Variants in MAGEC1 observed in about 807,000 individuals in gnomAD.
MAGEC1 encodes MAGE family member C1.
MAGEC1 carries 3 observed loss-of-function variants against 1.5 expected under a neutral mutation model. That is an observed-to-expected ratio of 1.97 (90% CI 0.90 to 5.10). MAGEC1 has a LOEUF of 5.10. Ranked by LOEUF, MAGEC1 falls within the 30% of genes most tolerant of loss-of-function variation. The pLI, the probability that MAGEC1 is intolerant of heterozygous loss-of-function variation, is 0.02. For synonymous variants in MAGEC1, 357 were observed against 310.4 expected (o/e 1.15, Z -1.58); for missense variants, 985 against 803.1 (o/e 1.23, Z -2.74).
chrX:141,908,616 G>C lies in MAGEC1; in HGVS notation c.3212G>C (p.Trp1071Ser). Residue 1071 changes from tryptophan to serine, a missense_variant, in exon 4 of 4, where the codon TGG (tryptophan) becomes TCG (serine). Trp to Ser is a radical substitution (Grantham distance 177, BLOSUM62 -3). Transcript: ENST00000285879. ...NSSPPRYEFL[W>S]GPRAHSEVIK... ...TCTCCTCCTCGTTACGAATTCCTGT[G>C]GGGTCCAAGAGCTCATTCAGAAGTC... The C allele has an allele frequency of 8.3e-7, 1 of 1,210,220 alleles. No homozygotes were observed. The highest frequency in any genetic ancestry group is 3.0e-5 in the East Asian group (1 of 33,795).
In MAGEC1 at chrX:141,908,355, C is replaced by T. The variant is rs1410181892; in HGVS notation, c.2951C>T (p.Ser984Phe). 14 of 1,211,571 alleles carry T rather than the reference C, an allele frequency of 1.2e-5. No individual in the cohort carries two copies. Among genetic ancestry groups the T allele is most frequent in the Non-Finnish European group, 1.6e-5 (14 of 895,455 alleles). Residue 984 changes from serine (S) to phenylalanine (F), a missense_variant, in exon 4 of 4, where the codon TCT (serine) becomes TTT (phenylalanine). Coordinates refer to ENST00000285879, the MANE Select transcript of MAGEC1 (RefSeq NM_005462.5). ...TTTGTAAACACATTAGACCTCACCTCTGAGGGGTGTCTGAGTGATGAGCAG... is the reference window on the plus strand; with the variant it reads ...TTTGTAAACACATTAGACCTCACCTTTGAGGGGTGTCTGAGTGATGAGCAG... ...YVFVNTLDLT[S>F]EGCLSDEQGM...
In MAGEC1 at chrX:141,905,443, T is replaced by G. The variant is rs150896199; in HGVS notation, c.39T>G (p.Ser13Arg). The change falls in exon 4 of 4, where the codon AGT becomes AGG. Residue 13 changes from serine to arginine, a missense_variant. By Grantham distance (110) the Ser-to-Arg change is moderately radical. Coordinates refer to ENST00000285879, the MANE Select transcript of MAGEC1 (RefSeq NM_005462.5). ...ATATGCCTACTGCTGGGATGCCGAG[T>G]CTTCTCCAGAGTTCCTCTGAGAGTC... is the stretch of plus-strand genomic sequence containing the variant. ...DKDMPTAGMP[S>R]LLQSSSESPQ... The G allele has an allele frequency of 2.1e-4, 252 of 1,210,422 alleles. 1 individual carries two copies. The African/African-American group carries it at 3.9e-3, about 19-fold the overall frequency.
Position 141,905,878 on chromosome X carries a change from TCCCC to T in MAGEC1, c.475_478del (p.Pro159SerfsTer8). The T allele has an allele frequency of 8.3e-7, 1 of 1,198,799 alleles. No homozygotes were observed. On this transcript the variant is annotated frameshift_variant, in exon 4 of 4. Transcript: ENST00000285879. LOFTEE classifies it low-confidence loss of function (END_TRUNC). The stretch of plus-strand genomic sequence containing the variant: ...GTACTCAAAGTCCTTTTGAGGGTTT[TCCCC>T]AGTCTGTTCTCCAGATTCCTGTGAG...
chrX:141,905,571 G>C lies in MAGEC1; in HGVS notation c.167G>C (p.Ser56Thr). 1 of 1,209,067 alleles carries C rather than the reference G, an allele frequency of 8.3e-7. No individual in the cohort carries two copies. Among genetic ancestry groups the C allele is most frequent in the Non-Finnish European group, 1.1e-6 (1 of 894,629 alleles). The stretch of plus-strand genomic sequence containing the variant: ...CTGTATCCTCTCCAGAGTCCTCAGA[G>C]TCGTTCTGAGGGGGAGGACTCCTCG... ...DTLYPLQSPQ[S>T]RSEGEDSSDP... The change falls in exon 4 of 4, where the codon AGT becomes ACT. Residue 56 changes from serine to threonine, a missense_variant. By Grantham distance (58) the Ser-to-Thr change is moderately conservative (BLOSUM62 1). Transcript: ENST00000285879.
chrX:141,908,161 T>C lies in MAGEC1; in HGVS notation c.2757T>C (p.Leu919=). ...DEKVDELARF[L]LLKYQVKQPI... ...AGGTGGACGAGTTGGCGCGGTTTCT[T>C]CTCCTCAAATATCAAGTGAAGCAGC... is the stretch of plus-strand genomic sequence containing the variant. Residue 919 remains leucine, a synonymous_variant, in exon 4 of 4, where the codon CTT becomes CTC. Coordinates refer to ENST00000285879, the MANE Select transcript of MAGEC1 (RefSeq NM_005462.5). 8.3e-7 allele frequency: 1 copy of C among 1,211,507 alleles called. No homozygotes were observed. Among genetic ancestry groups the C allele is most frequent in the Non-Finnish European group, 1.1e-6 (1 of 895,483 alleles).
Position 141,907,195 on chromosome X carries a change from GAGCC to G in MAGEC1, c.1792_1795del (p.Ser598LeufsTer31). The G allele has an allele frequency of 8.3e-7, 1 of 1,207,995 alleles. No homozygotes were observed. Among genetic ancestry groups the G allele is most frequent in the Non-Finnish European group, 1.1e-6 (1 of 894,435 alleles). On this transcript the variant is annotated frameshift_variant, in exon 4 of 4. Transcript: ENST00000285879. LOFTEE classifies it low-confidence loss of function (END_TRUNC). ...CCCTGTCTCCTCACTACTTTCCTCA[GAGCC>G]CTCCTCAGGGGGAGGACTCCATGTC...
chrX:141,908,804 G>C lies in MAGEC1; in HGVS notation c.3400G>C (p.Val1134Leu). 8.3e-7 allele frequency: 1 copy of C among 1,202,489 alleles called. No individual in the cohort carries two copies. The highest frequency in any genetic ancestry group is 1.1e-6 in the Non-Finnish European group (1 of 890,433). The stretch of plus-strand genomic sequence containing the variant: ...TGCCACAGAAAGTGCAAGCTCCAGT[G>C]TCATGTCCCCCAGCTTCTCTTCTGA... ...STATESASSS[V>L]MSPSFSSE The change falls in exon 4 of 4, where the codon GTC (valine) becomes CTC (leucine). Residue 1134 changes from valine (V) to leucine (L), a missense_variant. By Grantham distance (32) the Val-to-Leu change is conservative. Transcript: ENST00000285879.
At position 141,909,153 on chromosome X, in the gene MAGEC1, C is replaced by T. The variant is rs1927051733; in HGVS notation, c.*320C>T. On this transcript the variant is annotated 3_prime_UTR_variant, in exon 4 of 4. Transcript: ENST00000285879. ...CACACCACATTGGGAAAACCTTCTG[C>T]CTCATTTTGTGATGTGTCACAGGTT... is the stretch of plus-strand genomic sequence containing the variant. 5.7e-6 allele frequency: 1 copy of T among 176,144 alleles called. No individual in the cohort carries two copies. The highest frequency in any genetic ancestry group is 1.1e-5 in the Non-Finnish European group (1 of 94,742). 14.5% of individuals were successfully genotyped at this position (176,144 alleles called of 1,213,427 possible).
chrX:141,906,896 T>A lies in MAGEC1; in HGVS notation c.1492T>A (p.Ser498Thr). 8.3e-7 allele frequency: 1 copy of A among 1,210,921 alleles called. No individual in the cohort carries two copies. The highest frequency in any genetic ancestry group is 1.8e-5 in the South Asian group (1 of 56,900). ...CACTTTATTGAGTCTTTTCCAGAGT[T>A]CCCCTGAGTGTACTCAAAGTACTTT... The part of the protein sequence containing the change: ...SSTLLSLFQS[S>T]PECTQSTFEG... Residue 498 changes from serine (S) to threonine (T), a missense_variant, in exon 4 of 4, where the codon TCC (serine) becomes ACC (threonine). Ser to Thr is a moderately conservative substitution (Grantham distance 58). Transcript: ENST00000285879.
At position 141,908,002 on chromosome X, in the gene MAGEC1, A is replaced by G. The variant is rs1324474250; in HGVS notation, c.2598A>G (p.Pro866=). Reference sequence around the variant, plus strand: ...TCTCCTCCTCCACTTCATTGAGCCCATTCAGTGAAGAGTCCAGCAGCCCAG... The same window carrying G: ...TCTCCTCCTCCACTTCATTGAGCCCGTTCAGTGAAGAGTCCAGCAGCCCAG... ...ISFSSSTSLS[P]FSEESSSPVD... is the part of the protein sequence containing the mutation. Residue 866 remains proline, a synonymous_variant, in exon 4 of 4, where the codon CCA becomes CCG. Transcript: ENST00000285879. The G allele has an allele frequency of 8.3e-7, 1 of 1,209,979 alleles. No individual in the cohort carries two copies. The highest frequency in any genetic ancestry group is 1.1e-6 in the Non-Finnish European group (1 of 895,055).
Position 141,906,134 on chromosome X carries a change from A to G in MAGEC1, c.730A>G (p.Thr244Ala), listed in dbSNP as rs757298943. The G allele has an allele frequency of 3.9e-6, 3 of 761,877 alleles. No homozygotes were observed. Among genetic ancestry groups the G allele is most frequent in the Non-Finnish European group, 5.8e-6 (3 of 519,631 alleles). The allele number at this position is 761,877 out of a possible 1,213,427, so 62.8% of individuals were successfully genotyped here. A position where few individuals can be genotyped will look rare whatever the true frequency, so the allele number is the denominator to read the frequency against. The change falls in exon 4 of 4, where the codon ACT becomes GCT. Residue 244 changes from threonine to alanine, a missense_variant. Physicochemically the swap from Thr to Ala is moderately conservative, Grantham distance 58. Coordinates refer to ENST00000285879, the MANE Select transcript of MAGEC1 (RefSeq NM_005462.5). ...TCCTGTGAGCCCCTCCTCCTCCTCC[A>G]CTTTACTGAGTCTTTTCCAGAGTTT... ...QIPVSPSSSSTLLSLFQSFSE... is the reference protein window; with the variant it reads ...QIPVSPSSSSALLSLFQSFSE...
intron 3 of MAGEC1, 84 bp downstream of exon 3, chrX:141,905,160 C>T (rs373969388): frequency 9.8e-6 from 11 of 1,122,616 alleles, no homozygotes; most frequent in African/African-American, 3.6e-5. Flanking sequence ...CGTGTTCACA[C>T]GTTTACCTGC....
Position 141,907,529 on chromosome X carries a change from C to T in MAGEC1, c.2125C>T (p.His709Tyr), listed in dbSNP as rs56256227. Residue 709 changes from histidine (H) to tyrosine (Y), a missense_variant, in exon 4 of 4, where the codon CAT becomes TAT. By Grantham distance (83) the His-to-Tyr change is moderately conservative. Transcript: ENST00000285879. The stretch of plus-strand genomic sequence containing the variant: ...GGGAGAGGACTCCCTGTCTTCTCTC[C>T]ATTTTCCTCAGAGTCCTCCTGAGTG... ...LEGEDSLSSL[H>Y]FPQSPPEWED... 0.099 allele frequency: 118,639 copies of T among 1,198,380 alleles called. 4,117 individuals carry two copies. Among genetic ancestry groups the T allele is most frequent in the South Asian group, 0.13 (7,532 of 55,943 alleles).
chrX:141,907,547 C>CCCA lies in MAGEC1; in HGVS notation c.2144_2145insCAC (p.Pro715_Glu716insThr). On this transcript the variant is annotated inframe_insertion, in exon 4 of 4. Transcript: ENST00000285879. ...TTCTCTCCATTTTCCTCAGAGTCCTCCTGAGTGGGAGGACTCCCTCTCTCC... is the reference window on the plus strand; with the variant it reads ...TTCTCTCCATTTTCCTCAGAGTCCTCCCACTGAGTGGGAGGACTCCCTCTCTCC... The CCCA allele has an allele frequency of 8.3e-7, 1 of 1,203,178 alleles. No homozygotes were observed. Among genetic ancestry groups the CCCA allele is most frequent in the Middle Eastern group, 2.3e-4 (1 of 4,303 alleles).
intron 1 of MAGEC1, 99 bp downstream of exon 1, chrX:141,904,077 C>A (rs182610400): frequency 9.0e-5 from 10 of 111,556 alleles, no homozygotes; most frequent in Admixed American, 2.8e-4. Flanking sequence ...GTGGCGGAAA[C>A]GAAGATGGTA....
rs1926981252 is a variant in MAGEC1 at position 141,907,548 on chromosome X, C to A, written c.2144C>A (p.Pro715His). The A allele has an allele frequency of 2.5e-6, 3 of 1,203,312 alleles. No individual in the cohort carries two copies. Among genetic ancestry groups the A allele is most frequent in the East Asian group, 5.9e-5 (2 of 33,629 alleles). ...LSSLHFPQSP[P>H]EWEDSLSPLH... ...TCTCTCCATTTTCCTCAGAGTCCTC[C>A]TGAGTGGGAGGACTCCCTCTCTCCT... Residue 715 changes from proline to histidine, a missense_variant, in exon 4 of 4, where the codon CCT (proline) becomes CAT (histidine). Coordinates refer to ENST00000285879, the MANE Select transcript of MAGEC1 (RefSeq NM_005462.5).
In MAGEC1 at chrX:141,904,974, C is replaced by G. The variant is rs1361096619; in HGVS notation, c.-99C>G. 4.0e-5 allele frequency: 47 copies of G among 1,178,316 alleles called. No homozygotes were observed. In the Admixed American group the frequency reaches 1.0e-3, roughly 26 times the overall value. ...CTTTCTCGCGTCCTTCTACAGGTTC[C>G]CAGAAGACAAACCCCCTAGGAAGAC... On this transcript the variant is annotated 5_prime_UTR_variant, in exon 3 of 4. Coordinates refer to ENST00000285879, the MANE Select transcript of MAGEC1 (RefSeq NM_005462.5).
Position 141,907,268 on chromosome X carries a change from C to T in MAGEC1, c.1864C>T (p.Gln622Ter), listed in dbSNP as rs993628156. ...PQSPLQGEEF[Q>*]SSLQSPVSIC... ...GAGTCCTCTTCAGGGGGAGGAATTC[C>T]AGTCTTCTCTCCAGAGCCCTGTGAG... The change falls in exon 4 of 4, where the codon CAG (glutamine) becomes TAG (stop). Residue 622 changes from glutamine (Q) to a stop codon, truncating the protein, a stop_gained. Transcript: ENST00000285879. LOFTEE classifies it low-confidence loss of function (END_TRUNC). 3 of 1,208,281 alleles carry T rather than the reference C, an allele frequency of 2.5e-6. No individual in the cohort carries two copies. Among genetic ancestry groups the T allele is most frequent in the Middle Eastern group, 2.3e-4 (1 of 4,363 alleles).
Position 141,907,841 on chromosome X carries a change from C to T in MAGEC1, c.2437C>T (p.Pro813Ser). Reference protein sequence around the residue: ...EGPAQSPLQSPVSSFPSSTSS... With the variant: ...EGPAQSPLQSSVSSFPSSTSS... ...GCCTGCCCAGTCTCCTCTCCAGAGT[C>T]CTGTGAGCTCCTTCCCCTCCTCCAC... Residue 813 changes from proline to serine, a missense_variant, in exon 4 of 4, where the codon CCT (proline) becomes TCT (serine). By Grantham distance (74) the Pro-to-Ser change is moderately conservative. Coordinates refer to ENST00000285879, the MANE Select transcript of MAGEC1 (RefSeq NM_005462.5). The T allele has an allele frequency of 8.3e-7, 1 of 1,211,553 alleles. No individual in the cohort carries two copies. The highest frequency in any genetic ancestry group is 1.1e-6 in the Non-Finnish European group (1 of 895,468).
Sources: gnomAD v4.1 joint callset for allele counts on GRCh38, gnomAD v4.1.1 for gene constraint, MANE v1.5 for transcripts, NCBI Gene and HGNC (gene_info 2026-07-23, HGNC 2026-07-21) for gene names.